Variants in TRPM3 observed in about 807,000 individuals in gnomAD.
TRPM3 encodes the protein transient receptor potential cation channel subfamily M member 3, also known as long transient receptor potential channel 3.
In TRPM3, 77 loss-of-function variants were observed where a neutral mutation model predicts 181.2. That is an observed-to-expected ratio of 0.42 (90% CI 0.35 to 0.51). The LOEUF (loss-of-function observed/expected upper bound fraction) is 0.51, where lower values mean the gene tolerates loss of function less well. Among genes scored for constraint, TRPM3 ranks in the 20% least tolerant of loss-of-function variants. The pLI, the probability that TRPM3 is intolerant of heterozygous loss-of-function variation, is 0.01. For missense variants in TRPM3, 1,759 were observed against 2,196.7 expected (o/e 0.80, Z 3.98); for synonymous variants, 745 against 796.4 (o/e 0.94, Z 1.09).
intron 1 of TRPM3, among the ~76,000 whole-genome samples, chr9:71,375,673 A>G (rs2092649029): frequency 6.6e-6 from 1 of 152,118 alleles, no homozygotes; most frequent in Non-Finnish European, 1.5e-5. Flanking sequence ...TAAATTTCCA[A>G]GAAAAGAAAC....
In TRPM3 at chr9:71,145,236, C is replaced by A. The variant is rs2075340575; in HGVS notation, c.184-280725G>T. Among the ~76,000 whole-genome samples the A allele has an allele frequency of 3.3e-5, 5 of 152,064 alleles. No homozygotes were observed. In the South Asian group the frequency reaches 1.0e-3, roughly 32 times the overall value. On this transcript the variant is annotated intron_variant, in intron 1 of 24. Coordinates refer to the TRPM3 transcript ENST00000357533. Reference sequence around the variant, plus strand: ...GGATATTAAAAAAATATACATGCTACCTTAAATACCAGATGGAACTCCATT... The same window carrying A: ...GGATATTAAAAAAATATACATGCTAACTTAAATACCAGATGGAACTCCATT...
At chr9:70,988,400 T>A (rs1248074431) in intron 1 of TRPM3, among the ~76,000 whole-genome samples, 1 of 152,176 alleles carries the variant, frequency 6.6e-6, no homozygotes, top group Non-Finnish European at 1.5e-5. Context: ...GTTAAGAGCA[T>A]AAAAACACTA....
chr9:70,700,741 G>A (rs1261296548), intron 8 of TRPM3, among the ~76,000 whole-genome samples: 1 of 152,224 alleles, frequency 6.6e-6, no homozygotes, highest in Non-Finnish European at 1.5e-5. Flanking sequence ...TGAAACTGGA[G>A]AGAAGTTTTA....
At chr9:71,218,832 A>C (rs1266016293) in intron 1 of TRPM3, among the ~76,000 whole-genome samples, 3 of 152,224 alleles carry the variant, frequency 2.0e-5, no homozygotes, top group Non-Finnish European at 4.4e-5. Flanking sequence ...ACAGATCAGT[A>C]CATATGTCCA....
intron 1 of TRPM3, among the ~76,000 whole-genome samples, chr9:70,958,763 T>G (rs2097105693): frequency 6.6e-6 from 1 of 151,456 alleles, no homozygotes; most frequent in South Asian, 2.1e-4. Context: ...AACCCAAATA[T>G]CCAACAATGA....
chr9:70,902,569 C>T (rs1210799329), intron 1 of TRPM3, among the ~76,000 whole-genome samples: 1 of 152,138 alleles, frequency 6.6e-6, no homozygotes, highest in African/African-American at 2.4e-5. Flanking sequence ...AATTGTTTTA[C>T]CTATTATTTG....
At chr9:70,839,747 A>G (rs1315547925) in intron 5 of TRPM3, among the ~76,000 whole-genome samples, 1 of 152,136 alleles carries the variant, frequency 6.6e-6, no homozygotes, top group Non-Finnish European at 1.5e-5. Context: ...AACAGACTTG[A>G]CCAAAGATGC....
intron 6 of TRPM3, among the ~76,000 whole-genome samples, chr9:70,791,183 G>A (rs1043919769): frequency 1.3e-5 from 2 of 152,092 alleles, no homozygotes; most frequent in African/African-American, 4.8e-5. Context: ...AAATCCATGA[G>A]GTACCCAATT....
intron 1 of TRPM3, among the ~76,000 whole-genome samples, chr9:71,361,965 A>G (rs1207506562): frequency 6.6e-6 from 1 of 152,216 alleles, no homozygotes; most frequent in Non-Finnish European, 1.5e-5. Flanking sequence ...GAATCACAGA[A>G]TGTTCTAGTC....
chr9:70,570,662 TTCTC>T (rs2052069528), intron 22 of TRPM3, among the ~76,000 whole-genome samples: 1 of 152,214 alleles, frequency 6.6e-6, no homozygotes, highest in African/African-American at 2.4e-5. Context: ...CACTATTTTT[TTCTC>T]TCTATCTGAA....
upstream of TRPM3, among the ~76,000 whole-genome samples, chr9:71,124,233 TTC>T (rs764197169): frequency 1.9e-4 from 29 of 151,988 alleles, no homozygotes; most frequent in Non-Finnish European, 4.0e-4. Flanking sequence ...TTCAAGACCC[TTC>T]TCTCTACTTT....
At chr9:70,990,939 C>T (rs978791226) in intron 1 of TRPM3, among the ~76,000 whole-genome samples, 5 of 152,262 alleles carry the variant, frequency 3.3e-5, no homozygotes, top group East Asian at 1.9e-4. Context: ...TATTTATAGA[C>T]ACATGTAATG....
At chr9:70,852,932 T>A (rs76609193) in intron 3 of TRPM3, among the ~76,000 whole-genome samples, 2,599 of 152,310 alleles carry the variant, frequency 0.017, 82 homozygotes, top group African/African-American at 0.058. Flanking sequence ...GCAATATAAC[T>A]CTTAATCAAA....
Position 70,877,527 on chromosome 9 carries a change from A to G in TRPM3, c.178-13016T>C, listed in dbSNP as rs566465925. Among the ~76,000 whole-genome samples the G allele has an allele frequency of 6.6e-5, 10 of 152,000 alleles. No homozygotes were observed. In the South Asian group the frequency reaches 1.9e-3, roughly 28 times the overall value. On this transcript the variant is annotated intron_variant, in intron 1 of 25. Coordinates refer to ENST00000677713, the MANE Select transcript of TRPM3 (RefSeq NM_001366145.2). ...TCCAGGGAACTGAAACTCCCTACAGATTGTTTTATTTGATAATGTGATTTA... is the reference window on the plus strand; with the variant it reads ...TCCAGGGAACTGAAACTCCCTACAGGTTGTTTTATTTGATAATGTGATTTA...
chr9:70,669,046 T>C (rs2062411871), intron 9 of TRPM3, among the ~76,000 whole-genome samples: 1 of 152,210 alleles, frequency 6.6e-6, no homozygotes. Flanking sequence ...CAATGAGCTC[T>C]GATTCTGTGC....
At position 70,761,636 on chromosome 9, in the gene TRPM3, T is replaced by G. The variant is rs202039084; in HGVS notation, c.1237A>C (p.Ile413Leu). The G allele has an allele frequency of 6.2e-7, 1 of 1,613,908 alleles. No homozygotes were observed. The highest frequency in any genetic ancestry group is 1.3e-5 in the African/African-American group (1 of 74,942). ...TTCTTCATGCACTCCATGAGGATGA[T>G]GAACAGATGCTGAGCTTGGGTTCGA... ...YTRTQAQHLF[I>L]ILMECMKKKE... The change falls in exon 8 of 26, where the codon ATC (isoleucine) becomes CTC (leucine). Residue 413 changes from isoleucine (I) to leucine (L), a missense_variant. By Grantham distance (5) the Ile-to-Leu change is conservative. Coordinates refer to ENST00000677713, the MANE Select transcript of TRPM3 (RefSeq NM_001366145.2).
At chr9:70,631,633 G>C (rs2065880367) in intron 12 of TRPM3, among the ~76,000 whole-genome samples, 1 of 152,124 alleles carries the variant, frequency 6.6e-6, no homozygotes, top group Non-Finnish European at 1.5e-5. Context: ...GGGCCACTCT[G>C]GTTTAATATG....
chr9:70,602,106 C>CGTTT (rs778037711), intron 20 of TRPM3, among the ~76,000 whole-genome samples: 1 of 128,204 alleles, frequency 7.8e-6, no homozygotes. Context: ...CAAGGCATTC[C>CGTTT]TTTTTTTTTT....
At chr9:71,319,264 T>C (rs1588466524) in intron 1 of TRPM3, among the ~76,000 whole-genome samples, 1 of 152,120 alleles carries the variant, frequency 6.6e-6, no homozygotes, top group African/African-American at 2.4e-5. Context: ...TCGGCTGAGA[T>C]GTATCGTGTG....
Sources: gnomAD v4.1 joint callset for allele counts (sites outside exome capture counted in the v4.1 genomes callset) on GRCh38, gnomAD v4.1.1 for gene constraint, MANE v1.5 for transcripts, NCBI Gene and HGNC (gene_info 2026-07-23, HGNC 2026-07-21) for gene names.